Variants in PHEX observed in about 807,000 individuals in gnomAD.
The protein encoded by PHEX is phosphate regulating endopeptidase X-linked.
A neutral mutation model predicts 68.0 loss-of-function variants in PHEX; 16 were observed. The ratio of observed to expected loss-of-function variants is 0.24; its 90% CI spans 0.16 to 0.36. The LOEUF is 0.36. Among genes scored for constraint, PHEX ranks in the 10% least tolerant of loss-of-function variants. PHEX has a pLI of 1.00. For missense variants in PHEX, 480 were observed against 575.5 expected (o/e 0.83, Z 1.70); for synonymous variants, 208 against 205.1 (o/e 1.01, Z -0.12).
intron 11 of PHEX, among the ~76,000 whole-genome samples, chrX:22,127,448 C>T (rs1294201615): frequency 3.6e-5 from 4 of 110,985 alleles, no homozygotes; most frequent in Non-Finnish European, 7.5e-5. Context: ...TTTAAAATTA[C>T]AGCAGGTTTT....
At chrX:22,214,729 T>C (rs1468985522) in intron 16 of PHEX, among the ~76,000 whole-genome samples, 1 of 111,922 alleles carries the variant, frequency 8.9e-6, no homozygotes, top group African/African-American at 3.2e-5. Flanking sequence ...GGTGCTGACA[T>C]TTGAAGGCTG....
At chrX:22,168,414 T>C (rs770379260) in intron 13 of PHEX, 25 bp downstream of exon 13, 3 of 1,038,501 alleles carry the variant, frequency 2.9e-6, no homozygotes. Flanking sequence ...TACTGTACTT[T>C]TTTTTTTCTG....
chrX:22,047,728 A>G (rs777416751), intron 3 of PHEX, among the ~76,000 whole-genome samples: 7 of 111,706 alleles, frequency 6.3e-5, no homozygotes, highest in Non-Finnish European at 1.1e-4. Context: ...AGCAATGACA[A>G]GCTCACACAC....
At chrX:22,063,585 G>T (rs938060318) in intron 3 of PHEX, among the ~76,000 whole-genome samples, 3 of 111,968 alleles carry the variant, frequency 2.7e-5, no homozygotes, top group African/African-American at 9.7e-5. Flanking sequence ...TGCATAGCCC[G>T]CTGTGTCTCA....
At chrX:22,111,927 C>G (rs6633522) in intron 10 of PHEX, among the ~76,000 whole-genome samples, 21,989 of 111,365 alleles carry the variant, frequency 0.2, 1,576 homozygotes, top group East Asian at 0.31. Context: ...ATATTTGTAA[C>G]TATCTTTTAT....
chrX:22,086,026 A>T (rs2147030843), intron 5 of PHEX, among the ~76,000 whole-genome samples: 1 of 111,804 alleles, frequency 8.9e-6, no homozygotes, highest in East Asian at 2.8e-4. Flanking sequence ...ATATTGCTAT[A>T]TCTCCACTAG....
chrX:22,184,552 C>T (rs920075329), intron 14 of PHEX, among the ~76,000 whole-genome samples: 5 of 111,756 alleles, frequency 4.5e-5, no homozygotes, highest in East Asian at 2.8e-4. Context: ...GTTTCTAAGG[C>T]GATGGGAAAT....
intron 15 of PHEX, among the ~76,000 whole-genome samples, chrX:22,201,681 C>T (rs1432911584): frequency 1.8e-5 from 2 of 111,615 alleles, no homozygotes; most frequent in African/African-American, 6.5e-5. Context: ...CATGGTAAGT[C>T]CCAGAACCAA....
chrX:22,145,971 A>G (rs185035191), intron 12 of PHEX, among the ~76,000 whole-genome samples: 178 of 112,006 alleles, frequency 1.6e-3, no homozygotes, highest in South Asian at 4.5e-3. Context: ...AGGGAATCTT[A>G]TGTATTTGAT....
intron 20 of PHEX, among the ~76,000 whole-genome samples, chrX:22,233,260 C>T (rs978053997): frequency 1.8e-5 from 2 of 111,183 alleles, no homozygotes; most frequent in African/African-American, 6.6e-5. Context: ...TCCATTTCAA[C>T]CTTGGTGAAT....
chrX:22,079,110 T>C (rs760909468), intron 5 of PHEX, among the ~76,000 whole-genome samples: 1 of 112,203 alleles, frequency 8.9e-6, no homozygotes, highest in Non-Finnish European at 1.9e-5. Flanking sequence ...AGTTGGTGTT[T>C]TGAAGTAAGC....
At chrX:22,200,337 A>G (rs1301043890) in intron 15 of PHEX, among the ~76,000 whole-genome samples, 1 of 112,388 alleles carries the variant, frequency 8.9e-6, no homozygotes, top group Non-Finnish European at 1.9e-5. Flanking sequence ...GGCTGGGTGC[A>G]GTGGCTCACG....
At chrX:22,244,583 C>T (rs1171705727) in intron 20 of PHEX, among the ~76,000 whole-genome samples, 8 of 111,094 alleles carry the variant, frequency 7.2e-5, no homozygotes, top group African/African-American at 9.8e-5. Context: ...GCCTGGGTGA[C>T]GGAGCGAGAC....
At chrX:22,156,371 AG>A (rs1392686513) in intron 12 of PHEX, among the ~76,000 whole-genome samples, 2 of 109,944 alleles carry the variant, frequency 1.8e-5, no homozygotes, top group Non-Finnish European at 3.8e-5. Flanking sequence ...GTCTCTTAAA[AG>A]GGGGATTTAC....
At chrX:22,214,939 T>C (rs1935038828) in intron 16 of PHEX, among the ~76,000 whole-genome samples, 1 of 111,576 alleles carries the variant, frequency 9.0e-6, no homozygotes, top group Non-Finnish European at 1.9e-5. Flanking sequence ...TGCCCTGCTT[T>C]TAAGTTTAGA....
chrX:22,065,667 G>A (rs7052723), intron 3 of PHEX, among the ~76,000 whole-genome samples: 1,534 of 111,569 alleles, frequency 0.014, 27 homozygotes, highest in African/African-American at 0.046. Context: ...CTCGTGATCC[G>A]CCTGCCTCGG....
chrX:22,141,898 T>C (rs975151330), intron 12 of PHEX, among the ~76,000 whole-genome samples: 6 of 112,474 alleles, frequency 5.3e-5, no homozygotes, highest in African/African-American at 1.9e-4. Flanking sequence ...TTGAGTTCTT[T>C]TTTCTCTTAA....
chrX:22,145,827 G>C (rs1365928794), intron 12 of PHEX, among the ~76,000 whole-genome samples: 2 of 111,981 alleles, frequency 1.8e-5, no homozygotes, highest in African/African-American at 3.2e-5. Context: ...TCAACCACTT[G>C]ATTACTCTGA....
chrX:22,155,321 A>G (rs1932927782), intron 12 of PHEX, among the ~76,000 whole-genome samples: 1 of 112,756 alleles, frequency 8.9e-6, no homozygotes, highest in Non-Finnish European at 1.9e-5. Context: ...AATTGTTCAT[A>G]TAAGAGCTAA....
Sources: gnomAD v4.1 joint callset for allele counts (sites outside exome capture counted in the v4.1 genomes callset) on GRCh38, gnomAD v4.1.1 for gene constraint, MANE v1.5 for transcripts, NCBI Gene and HGNC (gene_info 2026-07-23, HGNC 2026-07-21) for gene names.